The following TRPC6 variants were observed in gnomAD, a reference collection of about 807,000 sequenced individuals.
TRPC6 encodes the protein short transient receptor potential channel 6.
Under a neutral mutation model 90.7 loss-of-function variants are expected in TRPC6, and 55 were observed. The observed-to-expected ratio is 0.61, with a 90% CI of 0.49 to 0.76. The LOEUF is 0.76. Among genes scored for constraint, TRPC6 ranks in the 30% least tolerant of loss-of-function variants. The pLI is 0.00. For missense variants in TRPC6, 989 were observed against 1,122.7 expected (o/e 0.88, Z 1.70); for synonymous variants, 393 against 393.0 (o/e 1.00, Z 0.00).
At chr11:101,529,171 A>G (rs191238571) in intron 1 of TRPC6, among the ~76,000 whole-genome samples, 338 of 152,322 alleles carry the variant, frequency 2.2e-3, no homozygotes, top group Non-Finnish European at 3.8e-3. Flanking sequence ...AAAGCTTCAA[A>G]CTTCACTAAA....
intron 1 of TRPC6, among the ~76,000 whole-genome samples, chr11:101,539,230 G>A (rs895462315): frequency 1.9e-4 from 29 of 152,216 alleles, no homozygotes; most frequent in Middle Eastern, 6.8e-3. Context: ...CTAAAGTCTC[G>A]GTTTTCAGAT....
At chr11:101,469,643 G>A (rs1036391244) in intron 9 of TRPC6, 142 bp from the exon 10 acceptor site, 2 of 582,062 alleles carry the variant, frequency 3.4e-6, no homozygotes, top group African/African-American at 3.7e-5. Context: ...CCCTTTGCAA[G>A]TGCTTGCTTA....
chr11:101,567,939 C>G, intron 1 of TRPC6, among the ~76,000 whole-genome samples: 1 of 152,072 alleles, frequency 6.6e-6, no homozygotes. Context: ...CTGAAAATTC[C>G]AAAAACCAGA....
Position 101,491,577 on chromosome 11 carries a change from G to A in TRPC6, c.1107C>T (p.Ala369=). The part of the protein sequence containing the change: ...GRPNLSRLKL[A]IKYEVKKFVA... ...TTACTTTTTTTACTTCATATTTAAT[G>A]GCAAGTTTTAAACGGCTGAGATTTG... The change falls in exon 3 of 13, where the codon GCC becomes GCT. Residue 369 remains alanine (A), a synonymous_variant. Transcript: ENST00000344327. 6.2e-7 allele frequency: 1 copy of A among 1,613,854 alleles called. No individual in the cohort carries two copies. The highest frequency in any genetic ancestry group is 8.5e-7 in the Non-Finnish European group (1 of 1,179,918).
At chr11:101,581,426 T>C (rs903995099) in intron 1 of TRPC6, among the ~76,000 whole-genome samples, 5 of 152,242 alleles carry the variant, frequency 3.3e-5, no homozygotes, top group African/African-American at 1.2e-4. Context: ...ACTACTGATA[T>C]ATAACCACAA....
At chr11:101,464,251 G>A (rs7942665) in intron 10 of TRPC6, among the ~76,000 whole-genome samples, 46,698 of 152,078 alleles carry the variant, frequency 0.31, 9,290 homozygotes, top group African/African-American at 0.57. Context: ...ATGTGGTGCT[G>A]AGAAGAATGT....
intron 1 of TRPC6, among the ~76,000 whole-genome samples, chr11:101,560,898 G>A (rs189114567): frequency 3.5e-4 from 53 of 152,218 alleles, no homozygotes; most frequent in African/African-American, 1.1e-3. Context: ...GGTGAGGGAA[G>A]GCAGAAGTCA....
chr11:101,503,276 A>C (rs1213627905), intron 2 of TRPC6, among the ~76,000 whole-genome samples: 1 of 152,100 alleles, frequency 6.6e-6, no homozygotes, highest in African/African-American at 2.4e-5. Flanking sequence ...TAAGAGATTG[A>C]CTGGTCAAAG....
At chr11:101,484,635 G>GTGTGTGTA (rs1554999905) in intron 4 of TRPC6, among the ~76,000 whole-genome samples, 2 of 141,768 alleles carry the variant, frequency 1.4e-5, no homozygotes, top group Non-Finnish European at 3.1e-5. Context: ...GTGTGTGTGT[G>GTGTGTGTA]TATGAGTGCA....
At chr11:101,545,967 G>A (rs931662870) in intron 1 of TRPC6, among the ~76,000 whole-genome samples, 1 of 149,188 alleles carries the variant, frequency 6.7e-6, no homozygotes. Context: ...TGTGAATAGG[G>A]CTATAAAGAA....
intron 2 of TRPC6, among the ~76,000 whole-genome samples, chr11:101,494,505 C>T (rs1255465010): frequency 6.6e-6 from 1 of 152,168 alleles, no homozygotes; most frequent in South Asian, 2.1e-4. Context: ...AAAAAAATAC[C>T]ATGGAGCTGA....
rs936591689 is a variant in TRPC6, at chr11:101,583,579, G to A, written c.-76C>T. 5 of 1,387,560 alleles carry A rather than the reference G, an allele frequency of 3.6e-6. No individual in the cohort carries two copies. The highest frequency in any genetic ancestry group is 4.7e-6 in the Non-Finnish European group (5 of 1,072,476). The allele number at this position is 1,387,560 out of a possible 1,614,324, so 86.0% of individuals were successfully genotyped here. On this transcript the variant is annotated 5_prime_UTR_variant, in exon 1 of 13. Coordinates refer to ENST00000344327, the MANE Select transcript of TRPC6 (RefSeq NM_004621.6). ...GCAGTTCCAGCGGGGACCCGGTGCG[G>A]AGGGTTCGCGTCAGCGGCCGAACTG...
At chr11:101,498,670 G>A (rs1298698689) in intron 2 of TRPC6, among the ~76,000 whole-genome samples, 1 of 152,164 alleles carries the variant, frequency 6.6e-6, no homozygotes, top group Non-Finnish European at 1.5e-5. Context: ...GTTATGAAAA[G>A]TCCCATTCTC....
chr11:101,556,527 G>T (rs562197837), intron 1 of TRPC6, among the ~76,000 whole-genome samples: 16 of 152,202 alleles, frequency 1.1e-4, no homozygotes, highest in Non-Finnish European at 1.9e-4. Context: ...TATGTGAACA[G>T]ACCAATAACA....
chr11:101,561,251 A>G (rs1861705251), intron 1 of TRPC6, among the ~76,000 whole-genome samples: 2 of 152,142 alleles, frequency 1.3e-5, no homozygotes, highest in Admixed American at 1.3e-4. Context: ...TCTTTTTAAA[A>G]TATAAAGCTG....
At chr11:101,539,367 C>T (rs1337280756) in intron 1 of TRPC6, among the ~76,000 whole-genome samples, 3 of 152,214 alleles carry the variant, frequency 2.0e-5, no homozygotes, top group Non-Finnish European at 4.4e-5. Context: ...TGTTCTCAGA[C>T]TGCCTGGGCC....
chr11:101,452,971 T>C lies in TRPC6; in HGVS notation c.2780A>G (p.Glu927Gly), dbSNP rs1344662477. ...GEKLSMEPNQEETNR is the reference protein window; with the variant it reads ...GEKLSMEPNQGETNR ...GTCTTCGCATTATCTATTGGTTTCC[T>C]CTTGATTTGGTTCCATGGATAATTT... The change falls in exon 13 of 13, where the codon GAG (glutamate) becomes GGG (glycine). Residue 927 changes from glutamate to glycine, a missense_variant. This residue lies in a region of TRPC6 where 191 missense variants were observed against 196.7 expected (regional missense o/e 0.97). Transcript: ENST00000344327. 6.2e-7 allele frequency: 1 copy of C among 1,613,788 alleles called. No individual in the cohort carries two copies. Among genetic ancestry groups the C allele is most frequent in the African/African-American group, 1.3e-5 (1 of 74,920 alleles).
intron 10 of TRPC6, among the ~76,000 whole-genome samples, chr11:101,458,172 G>A (rs1858927472): frequency 6.6e-6 from 1 of 152,118 alleles, no homozygotes; most frequent in Non-Finnish European, 1.5e-5. Context: ...AGTTTCTACT[G>A]AACACATATT....
intron 1 of TRPC6, among the ~76,000 whole-genome samples, chr11:101,530,870 A>G (rs1860897390): frequency 6.6e-6 from 1 of 152,194 alleles, no homozygotes; most frequent in Non-Finnish European, 1.5e-5. Context: ...AACCAAACAG[A>G]ATGACAAATT....
Sources: allele counts gnomAD v4.1 joint callset (sites outside exome capture counted in the v4.1 genomes callset), GRCh38; gene constraint gnomAD v4.1.1; regional missense constraint gnomAD v4.1.1; transcripts MANE v1.5; gene names NCBI Gene and HGNC (gene_info 2026-07-23, HGNC 2026-07-21).